Variants in ANKS1B observed in about 807,000 individuals in gnomAD.
ANKS1B encodes the protein ankyrin repeat and sterile alpha motif domain-containing protein 1B.
In ANKS1B, 36 loss-of-function variants were observed where a neutral mutation model predicts 148.3. The ratio of observed to expected loss-of-function variants is 0.24; its 90% CI spans 0.19 to 0.32. The LOEUF (loss-of-function observed/expected upper bound fraction) is 0.32, where lower values mean the gene tolerates loss of function less well. ANKS1B is among the 10% of genes least tolerant of loss of function. The pLI, the probability that ANKS1B is intolerant of heterozygous loss-of-function variation, is 1.00. For missense variants in ANKS1B, 1,157 were observed against 1,542.6 expected, an observed-to-expected ratio of 0.75 and a Z score of 4.19; for synonymous variants, 542 against 560.8, an observed-to-expected ratio of 0.97 and a Z score of 0.47.
chr12:99,520,515 C>T (rs2096864766), intron 9 of ANKS1B, among the ~76,000 whole-genome samples: 2 of 152,024 alleles, frequency 1.3e-5, no homozygotes, highest in African/African-American at 4.8e-5. Context: ...TATCCTTGAC[C>T]TTTGGGACTT....
intron 16 of ANKS1B, among the ~76,000 whole-genome samples, chr12:99,053,574 A>G (rs1237541785): frequency 6.6e-6 from 1 of 152,224 alleles, no homozygotes; most frequent in Non-Finnish European, 1.5e-5. Context: ...TAAACATGTC[A>G]AACTTCTGTC....
At chr12:98,945,592 CT>C (rs969315457) in intron 17 of ANKS1B, among the ~76,000 whole-genome samples, 3 of 149,806 alleles carry the variant, frequency 2.0e-5, no homozygotes, top group African/African-American at 7.4e-5. Flanking sequence ...TTCCAGCTAC[CT>C]TTTCCCCATT....
intron 8 of ANKS1B, among the ~76,000 whole-genome samples, chr12:99,760,221 A>G (rs1454084340): frequency 2.6e-5 from 4 of 151,854 alleles, no homozygotes; most frequent in African/African-American, 9.7e-5. Flanking sequence ...GATGTCATCA[A>G]CCACCAAATA....
chr12:99,237,355 T>C (rs1037046691), intron 14 of ANKS1B, among the ~76,000 whole-genome samples: 11 of 152,104 alleles, frequency 7.2e-5, no homozygotes, highest in Non-Finnish European at 1.5e-4. Flanking sequence ...TTTGTGTGTG[T>C]CTGGGGGCTC....
intron 12 of ANKS1B, among the ~76,000 whole-genome samples, chr12:99,302,522 C>CATGTTATTCA (rs1300649432): frequency 1.3e-5 from 2 of 152,074 alleles, no homozygotes; most frequent in Non-Finnish European, 2.9e-5. Flanking sequence ...CAATAGAGAT[C>CATGTTATTCA]ATGTTATTCA....
intron 10 of ANKS1B, among the ~76,000 whole-genome samples, chr12:99,444,370 C>T (rs968425218): frequency 2.6e-5 from 4 of 151,784 alleles, no homozygotes; most frequent in Non-Finnish European, 5.9e-5. Context: ...TAGATAAACA[C>T]AAAATTATCA....
chr12:99,684,823 G>A (rs1305207072), intron 8 of ANKS1B, among the ~76,000 whole-genome samples: 3 of 152,070 alleles, frequency 2.0e-5, no homozygotes, highest in Non-Finnish European at 4.4e-5. Context: ...ATATAATGTG[G>A]GGAAAAGATA....
chr12:99,959,227 A>ATTTTTTTTTTTTTTTTTTTTTTTTTTTTT (rs71088166), intron 1 of ANKS1B, among the ~76,000 whole-genome samples: 1 of 99,896 alleles, frequency 1.0e-5, no homozygotes, highest in Non-Finnish European at 1.9e-5. Flanking sequence ...CACCCAGTTA[A>ATTTTTTTTTTTTTTTTTTTTTTTTTTTTT]TTTTTTTTTT....
chr12:98,794,892 T>C (rs557899754), intron 22 of ANKS1B: 1 of 1,586,942 alleles, frequency 6.3e-7, no homozygotes, highest in Non-Finnish European at 8.6e-7. Context: ...GAGCCCCTCT[T>C]GCAGGCAAAG....
chr12:99,037,115 C>T (rs2099956034), intron 17 of ANKS1B, among the ~76,000 whole-genome samples: 1 of 152,222 alleles, frequency 6.6e-6, no homozygotes, highest in East Asian at 1.9e-4. Context: ...TATCCCATCA[C>T]GTTCAAAATG....
At chr12:98,791,460 T>C (rs1208558441) in intron 22 of ANKS1B, among the ~76,000 whole-genome samples, 1 of 152,218 alleles carries the variant, frequency 6.6e-6, no homozygotes, top group Non-Finnish European at 1.5e-5. Context: ...CACACATTTA[T>C]GGGCTTAGAA....
chr12:99,808,447 T>C (rs1202956738), intron 3 of ANKS1B, among the ~76,000 whole-genome samples: 1 of 152,130 alleles, frequency 6.6e-6, no homozygotes, highest in African/African-American at 2.4e-5. Flanking sequence ...GGGAAAAATC[T>C]ACTCTTTCAA....
At chr12:99,130,303 A>T (rs1404512697) in intron 15 of ANKS1B, among the ~76,000 whole-genome samples, 1 of 152,190 alleles carries the variant, frequency 6.6e-6, no homozygotes, top group African/African-American at 2.4e-5. Context: ...AAGCTGGGAG[A>T]GTAAAATTTA....
chr12:99,027,683 G>A (rs190788260), intron 17 of ANKS1B, among the ~76,000 whole-genome samples: 1 of 152,362 alleles, frequency 6.6e-6, no homozygotes, highest in Admixed American at 6.5e-5. Flanking sequence ...CTGTGGCCCA[G>A]TGCAAAGGGC....
intron 8 of ANKS1B, among the ~76,000 whole-genome samples, chr12:99,737,990 A>G (rs1228575731): frequency 6.6e-6 from 1 of 152,148 alleles, no homozygotes; most frequent in Non-Finnish European, 1.5e-5. Flanking sequence ...ATTTATTGAA[A>G]AACTGCTACA....
At chr12:99,401,217 A>G (rs2094395239) in intron 11 of ANKS1B, among the ~76,000 whole-genome samples, 1 of 146,270 alleles carries the variant, frequency 6.8e-6, no homozygotes, top group Non-Finnish European at 1.5e-5. Context: ...GTTTAATGTC[A>G]GGCTTGGTTT....
intron 8 of ANKS1B, among the ~76,000 whole-genome samples, chr12:99,726,326 C>A (rs2058614435): frequency 6.6e-6 from 1 of 152,102 alleles, no homozygotes; most frequent in South Asian, 2.1e-4. Flanking sequence ...CACAGAAATA[C>A]AAACTACCAT....
intron 8 of ANKS1B, among the ~76,000 whole-genome samples, chr12:99,722,744 C>T (rs1307171593): frequency 6.6e-6 from 1 of 152,192 alleles, no homozygotes; most frequent in Non-Finnish European, 1.5e-5. Context: ...GGCCAACTAG[C>T]CAACAAGAAG....
intron 14 of ANKS1B, among the ~76,000 whole-genome samples, chr12:99,184,876 T>C (rs992071721): frequency 3.9e-5 from 6 of 152,356 alleles, no homozygotes; most frequent in African/African-American, 1.4e-4. Context: ...TATGCTTATA[T>C]CACAAGATTG....
Sources: allele counts gnomAD v4.1 joint callset (sites outside exome capture counted in the v4.1 genomes callset), GRCh38; gene constraint gnomAD v4.1.1; transcripts MANE v1.5; gene names NCBI Gene and HGNC (gene_info 2026-07-23, HGNC 2026-07-21).